The following BRCA1 variants were observed in gnomAD, a reference collection of about 807,000 sequenced individuals.
BRCA1 encodes the protein breast cancer type 1 susceptibility protein.
A neutral mutation model predicts 173.7 loss-of-function variants in BRCA1; 140 were observed. That is an observed-to-expected ratio of 0.81 (90% CI 0.70 to 0.93). The LOEUF is 0.93. Ranked by LOEUF, BRCA1 falls within the 40% of genes least tolerant of loss-of-function variation. The pLI, the probability that BRCA1 is intolerant of heterozygous loss-of-function variation, is 0.00. For synonymous variants in BRCA1, 662 were observed against 756.0 expected (o/e 0.88, Z 2.04); for missense variants, 1,983 against 2,172.5 (o/e 0.91, Z 1.73).
chr17:43,062,913 G>A (rs2051829826), intron 18 of BRCA1, among the ~76,000 whole-genome samples: 1 of 150,646 alleles, frequency 6.6e-6, no homozygotes. Context: ...TTCTTTTGAT[G>A]GAGTTTTGCT....
chr17:43,114,856 A>G (rs1252608157), intron 3 of BRCA1, among the ~76,000 whole-genome samples: 1 of 152,234 alleles, frequency 6.6e-6, no homozygotes, highest in Non-Finnish European at 1.5e-5. Flanking sequence ...CACTTGTTCT[A>G]CTAAATTACC....
chr17:43,107,709 A>G (rs2054857978), intron 3 of BRCA1, among the ~76,000 whole-genome samples: 2 of 152,186 alleles, frequency 1.3e-5, no homozygotes, highest in Admixed American at 1.3e-4. Flanking sequence ...TGTGTTTTTA[A>G]CAAACAGTGT....
At chr17:43,079,246 T>C (rs1478413586) in intron 12 of BRCA1, 1 of 1,003,452 alleles carries the variant, frequency 1.0e-6, no homozygotes, top group Non-Finnish European at 1.5e-6. Flanking sequence ...AACACAGCTA[T>C]TAAAAAGTCA....
chr17:43,062,560 A>G (rs2051810046), intron 18 of BRCA1, among the ~76,000 whole-genome samples: 1 of 152,136 alleles, frequency 6.6e-6, no homozygotes, highest in Non-Finnish European at 1.5e-5. Context: ...TTTGAAATCT[A>G]GAACAAATGA....
intron 11 of BRCA1, among the ~76,000 whole-genome samples, chr17:43,087,323 A>G (rs1469312670): frequency 6.6e-6 from 1 of 152,182 alleles, no homozygotes; most frequent in African/African-American, 2.4e-5. Context: ...ATACACTGGA[A>G]AGATAGAATC....
intron 18 of BRCA1, among the ~76,000 whole-genome samples, chr17:43,063,016 G>A (rs1446592555): frequency 1.3e-5 from 2 of 151,882 alleles, no homozygotes; most frequent in African/African-American, 2.4e-5. Flanking sequence ...TCAGCCTCCC[G>A]AGTAGCTGGA....
At chr17:43,123,644 G>A (rs2055693499) in intron 2 of BRCA1, among the ~76,000 whole-genome samples, 1 of 152,036 alleles carries the variant, frequency 6.6e-6, no homozygotes, top group Non-Finnish European at 1.5e-5. Context: ...CACCGCCCTC[G>A]GCCTCATCCA....
chr17:43,064,093 C>A lies in BRCA1; in HGVS notation c.5075-142G>T. ...ATTCTAAAACCCCTGGTGACAGAATCAGAGGCTGAAAACACCACTAATTAT... is the reference window on the plus strand; with the variant it reads ...ATTCTAAAACCCCTGGTGACAGAATAAGAGGCTGAAAACACCACTAATTAT... On this transcript the variant is annotated intron_variant, in intron 16 of 22. Coordinates refer to ENST00000357654, the MANE Select transcript of BRCA1 (RefSeq NM_007294.4). The A allele has an allele frequency of 1.1e-5, 8 of 741,404 alleles. 1 individual carries two copies. In the South Asian group the frequency reaches 1.2e-4, roughly 11 times the overall value. The allele number at this position is 741,404 out of a possible 1,614,324, so 45.9% of individuals were successfully genotyped here. A position where few individuals can be genotyped will look rare whatever the true frequency, so the allele number is the denominator to read the frequency against.
chr17:43,090,961 C>T lies in BRCA1; in HGVS notation c.4168G>A (p.Asp1390Asn), dbSNP rs752300203. 1.2e-6 allele frequency: 2 copies of T among 1,611,408 alleles called. No individual in the cohort carries two copies. Among genetic ancestry groups the T allele is most frequent in the South Asian group, 1.1e-5 (1 of 90,472 alleles). ...CTTTTTACCTGAGTGGTTAAAATGTCACTCTGAGAGGATAGCCCTGAGCAG... is the reference window on the plus strand; with the variant it reads ...CTTTTTACCTGAGTGGTTAAAATGTTACTCTGAGAGGATAGCCCTGAGCAG... The part of the protein sequence containing the change: ...EDCSGLSSQS[D>N]ILTTQQRDTM... The change falls in exon 11 of 23, where the codon GAC becomes AAC. Residue 1390 changes from aspartate to asparagine, a missense_variant. Transcript: ENST00000357654.
At chr17:43,100,681 A>AT (rs1372486950) in intron 6 of BRCA1, among the ~76,000 whole-genome samples, 1 of 11,444 alleles carries the variant, frequency 8.7e-5, no homozygotes, top group African/African-American at 5.7e-4. Context: ...TATATATAAT[A>AT]TATATATATA....
At position 43,149,116 on chromosome 17, in the gene BRCA1, C is replaced by T. The variant is rs533801427; in HGVS notation, c.-20+21010G>A. ...TAACTTTTTTACTTTTTTTCCCCCCCGAGACAGAGTCTTGCCCTGTCGCCC... is the reference window on the plus strand; with the variant it reads ...TAACTTTTTTACTTTTTTTCCCCCCTGAGACAGAGTCTTGCCCTGTCGCCC... On this transcript the variant is annotated intron_variant, in intron 1 of 7. Coordinates refer to the BRCA1 transcript ENST00000634433. 6.6e-5 allele frequency among the ~76,000 whole-genome samples: 10 copies of T among 151,702 alleles called. 1 individual carries two copies. Among genetic ancestry groups the T allele is most frequent in the Middle Eastern group, 6.8e-3 (2 of 294 alleles).
At chr17:43,100,621 AT>A in intron 6 of BRCA1, among the ~76,000 whole-genome samples, 1 of 5,922 alleles carries the variant, frequency 1.7e-4, no homozygotes, top group African/African-American at 3.7e-4. Flanking sequence ...TATATATAAC[AT>A]ATATATATGT....
At chr17:43,074,977 G>A (rs1183585935) in intron 13 of BRCA1, among the ~76,000 whole-genome samples, 1 of 143,774 alleles carries the variant, frequency 7.0e-6, no homozygotes, top group Admixed American at 7.4e-5. Flanking sequence ...GAAAAGAAAA[G>A]GAAGGGAGGA....
At chr17:43,084,945 G>T (rs924541260) in intron 11 of BRCA1, among the ~76,000 whole-genome samples, 1 of 152,138 alleles carries the variant, frequency 6.6e-6, no homozygotes, top group Admixed American at 6.5e-5. Context: ...AAGTAGTGGG[G>T]TAATTATTAA....
In BRCA1 at chr17:43,071,192, GT is replaced by G; in HGVS notation, c.4721del (p.Asp1574AlafsTer27). The part of the protein sequence containing the change: ...LESGISLFSD[D>X]PESDPSEDRA... ...TGTCTTCAGAAGGATCAGATTCAGGGTCATCAGAGAAGAGGCTGATTCCAGA... is the reference window on the plus strand; with the variant it reads ...TGTCTTCAGAAGGATCAGATTCAGGGCATCAGAGAAGAGGCTGATTCCAGA... On this transcript the variant is annotated frameshift_variant, in exon 15 of 23. Coordinates refer to ENST00000357654, the MANE Select transcript of BRCA1 (RefSeq NM_007294.4). LOFTEE classifies it high-confidence loss of function. The G allele has an allele frequency of 6.2e-7, 1 of 1,614,172 alleles. No homozygotes were observed. The highest frequency in any genetic ancestry group is 8.5e-7 in the Non-Finnish European group (1 of 1,180,028).
Position 43,092,301 on chromosome 17 carries a change from C to T in BRCA1, c.3230G>A (p.Gly1077Glu), listed in dbSNP as rs1567792424. 6.2e-7 allele frequency: 1 copy of T among 1,613,730 alleles called. No individual in the cohort carries two copies. Among genetic ancestry groups the T allele is most frequent in the Non-Finnish European group, 8.5e-7 (1 of 1,179,990 alleles). ...TCTAAGCATAGCATTCAATTTTGGCCCTCTGTTTCTACCTAGTTCTGCTTG... is the reference window on the plus strand; with the variant it reads ...TCTAAGCATAGCATTCAATTTTGGCTCTCTGTTTCTACCTAGTTCTGCTTG... Reference protein sequence around the residue: ...NIQAELGRNRGPKLNAMLRLG... With the variant: ...NIQAELGRNREPKLNAMLRLG... The change falls in exon 10 of 23, where the codon GGG (glycine) becomes GAG (glutamate). Residue 1077 changes from glycine to glutamate, a missense_variant. Transcript: ENST00000357654.
chr17:43,062,851 C>T (rs2051825613), intron 18 of BRCA1, among the ~76,000 whole-genome samples: 1 of 152,094 alleles, frequency 6.6e-6, no homozygotes, highest in Non-Finnish European at 1.5e-5. Context: ...CCTGTCTTGG[C>T]CTCCCACAGT....
At chr17:43,059,184 C>A (rs2051637883) in intron 18 of BRCA1, among the ~76,000 whole-genome samples, 1 of 152,094 alleles carries the variant, frequency 6.6e-6, no homozygotes, top group Admixed American at 6.6e-5. Context: ...ATGCATCTGG[C>A]CGGGCACAGT....
chr17:43,103,288 G>GT (rs995432458), intron 6 of BRCA1, among the ~76,000 whole-genome samples: 2 of 151,942 alleles, frequency 1.3e-5, no homozygotes, highest in African/African-American at 4.8e-5. Flanking sequence ...CCAATATGGT[G>GT]AAACCCCGAC....
Sources: gnomAD v4.1 joint callset for allele counts (sites outside exome capture counted in the v4.1 genomes callset) on GRCh38, gnomAD v4.1.1 for gene constraint, MANE v1.5 for transcripts, NCBI Gene and HGNC (gene_info 2026-07-23, HGNC 2026-07-21) for gene names.